Variants in ADAM23 observed in about 807,000 individuals in gnomAD.
The protein encoded by ADAM23 is ADAM metallopeptidase domain 23.
In ADAM23, 33 loss-of-function variants were observed where a neutral mutation model predicts 120.1. The ratio of observed to expected loss-of-function variants is 0.27; its 90% CI spans 0.21 to 0.37. The LOEUF (loss-of-function observed/expected upper bound fraction) is 0.37, where lower values mean the gene tolerates loss of function less well. Ranked by LOEUF, ADAM23 falls within the 10% of genes least tolerant of loss-of-function variation. The pLI, the probability that ADAM23 is intolerant of heterozygous loss-of-function variation, is 1.00. For missense variants in ADAM23, 862 were observed against 1,058.2 expected (o/e 0.81, Z 2.57); for synonymous variants, 367 against 375.2 (o/e 0.98, Z 0.25).
chr2:206,489,627 A>G (rs1696087477), intron 3 of ADAM23, among the ~76,000 whole-genome samples: 1 of 152,128 alleles, frequency 6.6e-6, no homozygotes, highest in Non-Finnish European at 1.5e-5. Context: ...TCTCCTATTT[A>G]AGTTCCTTTG....
At chr2:206,461,353 G>A (rs957553536) in intron 2 of ADAM23, among the ~76,000 whole-genome samples, 4 of 151,978 alleles carry the variant, frequency 2.6e-5, no homozygotes, top group Admixed American at 6.6e-5. Flanking sequence ...GACCCATCGC[G>A]TCTGGCTTGA....
chr2:206,571,616 C>A, intron 16 of ADAM23, 111 bp from the exon 17 acceptor site: 1 of 662,626 alleles, frequency 1.5e-6, no homozygotes, highest in South Asian at 2.1e-5. Context: ...AGAATATTTG[C>A]TTACTGTTGT....
At chr2:206,547,390 A>G in intron 6 of ADAM23, 39 bp from the exon 7 acceptor site, 1 of 1,552,944 alleles carries the variant, frequency 6.4e-7, no homozygotes, top group Non-Finnish European at 8.8e-7. Context: ...GCTTGTTCAC[A>G]TCTTGCTTTC....
intron 4 of ADAM23, among the ~76,000 whole-genome samples, chr2:206,539,135 G>T (rs1353520025): frequency 1.3e-5 from 2 of 152,202 alleles, no homozygotes; most frequent in East Asian, 3.8e-4. Context: ...TATTATTTGA[G>T]CATGATATGG....
At chr2:206,581,056 A>G (rs1035178267) in intron 18 of ADAM23, among the ~76,000 whole-genome samples, 1 of 152,088 alleles carries the variant, frequency 6.6e-6, no homozygotes, top group Non-Finnish European at 1.5e-5. Flanking sequence ...GTCAGTTGTA[A>G]TATCTCCTGT....
chr2:206,463,690 A>G (rs1361099282), intron 2 of ADAM23, among the ~76,000 whole-genome samples: 1 of 152,248 alleles, frequency 6.6e-6, no homozygotes, highest in Non-Finnish European at 1.5e-5. Flanking sequence ...ACTGTTGGTC[A>G]TCTGTGTGCA....
At chr2:206,576,147 CAA>C (rs1176181325) in intron 18 of ADAM23, among the ~76,000 whole-genome samples, 6 of 152,098 alleles carry the variant, frequency 3.9e-5, no homozygotes, top group African/African-American at 1.4e-4. Context: ...AATATAATGA[CAA>C]AGTATGAGAA....
chr2:206,470,982 G>A (rs1695645992), intron 2 of ADAM23, among the ~76,000 whole-genome samples: 1 of 152,186 alleles, frequency 6.6e-6, no homozygotes. Flanking sequence ...AGTCTCATAA[G>A]CAGAGCCTGA....
At chr2:206,598,364 G>A (rs906976087) in intron 24 of ADAM23, among the ~76,000 whole-genome samples, 2 of 151,988 alleles carry the variant, frequency 1.3e-5, no homozygotes, top group African/African-American at 4.8e-5. Context: ...TCTATTCCCT[G>A]TTCCTTCACC....
At chr2:206,543,768 C>A (rs1403680578) in intron 6 of ADAM23, among the ~76,000 whole-genome samples, 2 of 151,988 alleles carry the variant, frequency 1.3e-5, no homozygotes, top group Non-Finnish European at 2.9e-5. Flanking sequence ...CACACACACA[C>A]ACGCACACGC....
intron 24 of ADAM23, 37 bp from the exon 25 acceptor site, chr2:206,609,873 G>C: frequency 1.3e-6 from 2 of 1,563,164 alleles, no homozygotes; most frequent in Non-Finnish European, 1.7e-6. Context: ...AAAGTGGTTG[G>C]TTCATATGAC....
At chr2:206,469,346 T>C (rs1695607212) in intron 2 of ADAM23, among the ~76,000 whole-genome samples, 1 of 152,176 alleles carries the variant, frequency 6.6e-6, no homozygotes, top group Non-Finnish European at 1.5e-5. Flanking sequence ...TAGAGTTTTC[T>C]TGTCTCCTCT....
intron 18 of ADAM23, among the ~76,000 whole-genome samples, chr2:206,578,410 A>G (rs2105837735): frequency 6.6e-6 from 1 of 150,624 alleles, no homozygotes; most frequent in East Asian, 1.9e-4. Context: ...TCTTTGCGTC[A>G]CTACTTAGCT....
chr2:206,559,698 C>G (rs1339472957), intron 10 of ADAM23, among the ~76,000 whole-genome samples: 1 of 152,178 alleles, frequency 6.6e-6, no homozygotes, highest in African/African-American at 2.4e-5. Flanking sequence ...CTTACTGTCT[C>G]TCCCTAGGAC....
intron 3 of ADAM23, among the ~76,000 whole-genome samples, chr2:206,483,963 G>A (rs1695951126): frequency 6.6e-6 from 1 of 152,164 alleles, no homozygotes. Flanking sequence ...TGATGACAGA[G>A]CAAGTTGGCA....
intron 2 of ADAM23, among the ~76,000 whole-genome samples, chr2:206,460,892 C>G (rs555057196): frequency 2.0e-4 from 30 of 152,170 alleles, no homozygotes; most frequent in African/African-American, 6.5e-4. Context: ...GGACTTAGGT[C>G]CATTTTGAGT....
intron 2 of ADAM23, among the ~76,000 whole-genome samples, chr2:206,456,823 A>G (rs1443438823): frequency 6.6e-6 from 1 of 152,230 alleles, no homozygotes; most frequent in Admixed American, 6.5e-5. Flanking sequence ...ATCATAAAGA[A>G]CATTCCAGAG....
At chr2:206,578,037 G>GT (rs1276874270) in intron 18 of ADAM23, among the ~76,000 whole-genome samples, 3 of 152,050 alleles carry the variant, frequency 2.0e-5, no homozygotes, top group African/African-American at 7.2e-5. Flanking sequence ...TTTTTCATGT[G>GT]TTTTTTGGCT....
chr2:206,502,389 T>A (rs1696406055), intron 3 of ADAM23, among the ~76,000 whole-genome samples: 1 of 152,166 alleles, frequency 6.6e-6, no homozygotes, highest in Non-Finnish European at 1.5e-5. Flanking sequence ...TGTTTGTTTT[T>A]TTGGTTTGTA....
Sources: gnomAD v4.1 joint callset for allele counts (sites outside exome capture counted in the v4.1 genomes callset) on GRCh38, gnomAD v4.1.1 for gene constraint, MANE v1.5 for transcripts, NCBI Gene and HGNC (gene_info 2026-07-23, HGNC 2026-07-21) for gene names.